Variants in NCAM2 observed in about 807,000 individuals in gnomAD.
NCAM2 encodes the protein N-CAM-2.
Under a neutral mutation model 98.1 loss-of-function variants are expected in NCAM2, and 30 were observed. The ratio of observed to expected loss-of-function variants is 0.31; its 90% CI spans 0.23 to 0.41. The LOEUF is 0.41. NCAM2 is among the 10% of genes least tolerant of loss of function. NCAM2 has a pLI of 1.00. For synonymous variants in NCAM2, 368 were observed against 342.4 expected, an observed-to-expected ratio of 1.07 and a Z score of -0.83; for missense variants, 867 against 1,005.8, an observed-to-expected ratio of 0.86 and a Z score of 1.87.
chr21:21,022,784 G>T (rs6518027), intron 1 of NCAM2, among the ~76,000 whole-genome samples: 95,134 of 151,854 alleles, frequency 0.63, 30,076 homozygotes, highest in East Asian at 0.81. Context: ...TAATCTGTTT[G>T]CAGTTGTGGG....
intron 1 of NCAM2, among the ~76,000 whole-genome samples, chr21:21,104,651 T>C (rs2066309367): frequency 6.6e-6 from 1 of 152,072 alleles, no homozygotes; most frequent in Admixed American, 6.6e-5. Context: ...GAGCTTGGAA[T>C]ATGCAAGAAA....
At chr21:21,152,285 G>A (rs2067470992) in intron 1 of NCAM2, among the ~76,000 whole-genome samples, 1 of 151,778 alleles carries the variant, frequency 6.6e-6, no homozygotes, top group African/African-American at 2.4e-5. Context: ...TTTCCCAATG[G>A]TTTCCATTTC....
intron 6 of NCAM2, among the ~76,000 whole-genome samples, chr21:21,333,929 T>A (rs2074783614): frequency 6.6e-6 from 1 of 152,056 alleles, no homozygotes; most frequent in African/African-American, 2.4e-5. Flanking sequence ...ATATCAAAAA[T>A]ATATATAAAA....
chr21:21,471,252 A>C (rs1984405787), intron 14 of NCAM2, among the ~76,000 whole-genome samples: 1 of 151,902 alleles, frequency 6.6e-6, no homozygotes. Flanking sequence ...AAAATACTCT[A>C]TATATCCCTA....
At chr21:21,296,667 G>A (rs1288730029) in intron 5 of NCAM2, among the ~76,000 whole-genome samples, 1 of 151,668 alleles carries the variant, frequency 6.6e-6, no homozygotes, top group African/African-American at 2.4e-5. Flanking sequence ...TTGGCAGGGA[G>A]AAAAAGTGAG....
intron 16 of NCAM2, among the ~76,000 whole-genome samples, 185 bp from the exon 17 acceptor site, chr21:21,534,352 T>A (rs1300765264): frequency 6.6e-6 from 1 of 152,108 alleles, no homozygotes; most frequent in African/African-American, 2.4e-5. Flanking sequence ...CTTCCTTTTT[T>A]TCTGAGTGAT....
At chr21:21,454,982 G>A (rs531016482) in intron 12 of NCAM2, among the ~76,000 whole-genome samples, 1 of 151,822 alleles carries the variant, frequency 6.6e-6, no homozygotes, top group South Asian at 2.1e-4. Context: ...CTAGATACAA[G>A]GGGAAATTAT....
At chr21:21,448,386 C>T (rs984493482) in intron 12 of NCAM2, among the ~76,000 whole-genome samples, 1 of 151,854 alleles carries the variant, frequency 6.6e-6, no homozygotes, top group Admixed American at 6.6e-5. Context: ...ACACCAGGGC[C>T]TGTTGAGTGT....
intron 1 of NCAM2, among the ~76,000 whole-genome samples, chr21:21,051,510 GAAAC>G (rs1568969342): frequency 1.3e-5 from 2 of 152,114 alleles, no homozygotes; most frequent in Admixed American, 1.3e-4. Context: ...AACAAAATAT[GAAAC>G]AAACTTCATT....
At position 21,453,006 on chromosome 21, in the gene NCAM2, AATATATAAAAAT is replaced by A. The variant is rs1261957935; in HGVS notation, c.1655-13594_1655-13583del. On this transcript the variant is annotated intron_variant, in intron 12 of 17. Coordinates refer to ENST00000400546, the MANE Select transcript of NCAM2 (RefSeq NM_004540.5). ...TTATATATTATATTATATAATATAT[AATATATAAAAAT>A]ATATAATATATAAAAATAATATATA... Among the ~76,000 whole-genome samples, 4 of 103,142 alleles carry A rather than the reference AATATATAAAAAT, an allele frequency of 3.9e-5. No homozygotes were observed. The East Asian group carries it at 1.0e-3, about 26-fold the overall frequency. 67.7% of individuals were successfully genotyped at this position (103,142 alleles called of 152,430 possible). A position where few individuals can be genotyped will look rare whatever the true frequency, so the allele number is the denominator to read the frequency against.
intron 1 of NCAM2, among the ~76,000 whole-genome samples, chr21:21,141,734 C>T (rs368684187): frequency 6.6e-6 from 1 of 152,268 alleles, no homozygotes; most frequent in African/African-American, 2.4e-5. Flanking sequence ...TTTTGGAGAG[C>T]CTCCACACTA....
At chr21:21,028,893 G>A (rs73230128) in intron 1 of NCAM2, among the ~76,000 whole-genome samples, 7,513 of 152,156 alleles carry the variant, frequency 0.049, 228 homozygotes, top group East Asian at 0.068. Context: ...TAAAAATTAT[G>A]TAAGCTATCA....
At chr21:21,231,634 C>T (rs575016459) in intron 1 of NCAM2, among the ~76,000 whole-genome samples, 48 of 151,258 alleles carry the variant, frequency 3.2e-4, no homozygotes, top group Non-Finnish European at 6.7e-4. Flanking sequence ...TATCTTGGTT[C>T]TAAAACCTTG....
At chr21:21,357,029 T>C (rs2075508598) in intron 8 of NCAM2, among the ~76,000 whole-genome samples, 1 of 113,848 alleles carries the variant, frequency 8.8e-6, no homozygotes, top group African/African-American at 3.7e-5. Context: ...AAATAAATGT[T>C]TCTTGCTTCA....
At chr21:21,138,702 T>A (rs2067109890) in intron 1 of NCAM2, among the ~76,000 whole-genome samples, 1 of 152,158 alleles carries the variant, frequency 6.6e-6, no homozygotes, top group African/African-American at 2.4e-5. Flanking sequence ...TAATAAATAA[T>A]TAGTGTATTT....
chr21:21,332,104 C>T (rs1319024137), intron 6 of NCAM2, among the ~76,000 whole-genome samples: 5 of 151,272 alleles, frequency 3.3e-5, no homozygotes, highest in African/African-American at 9.7e-5. Context: ...CGGGTTTCAC[C>T]ATATTGGCCA....
At chr21:21,278,810 G>C (rs2072824716) in intron 1 of NCAM2, among the ~76,000 whole-genome samples, 1 of 151,826 alleles carries the variant, frequency 6.6e-6, no homozygotes, top group South Asian at 2.1e-4. Context: ...ATTTTTTTTG[G>C]TAAATATTTT....
chr21:21,401,670 A>G (rs926814902), intron 9 of NCAM2, among the ~76,000 whole-genome samples: 3 of 152,062 alleles, frequency 2.0e-5, no homozygotes, highest in Non-Finnish European at 4.4e-5. Context: ...TATATATACT[A>G]TGTGTTTTGT....
At chr21:21,170,835 G>T (rs559786871) in intron 1 of NCAM2, among the ~76,000 whole-genome samples, 1 of 62,876 alleles carries the variant, frequency 1.6e-5, no homozygotes, top group African/African-American at 4.2e-5. Context: ...TGTTCCTAGA[G>T]GGGGGAAGGC....
Sources: gnomAD v4.1 joint callset for allele counts (sites outside exome capture counted in the v4.1 genomes callset) on GRCh38, gnomAD v4.1.1 for gene constraint, MANE v1.5 for transcripts, NCBI Gene and HGNC (gene_info 2026-07-23, HGNC 2026-07-21) for gene names.